Variants in ARID4B observed in about 807,000 individuals in gnomAD.
ARID4B encodes the protein AT-rich interactive domain-containing protein 4B.
In ARID4B, 26 loss-of-function variants were observed where a neutral mutation model predicts 147.5. The observed-to-expected ratio is 0.18, with a 90% CI of 0.13 to 0.24. ARID4B has a LOEUF of 0.24. ARID4B is among the 10% of genes least tolerant of loss of function. The probability of loss-of-function intolerance (pLI) is 1.00; values close to 1 mark genes in which losing one functional copy is unlikely to be tolerated. For missense variants in ARID4B, 1,179 were observed against 1,511.5 expected (o/e 0.78, Z 3.65); for synonymous variants, 512 against 507.9 (o/e 1.01, Z -0.11).
intron 19 of ARID4B, among the ~76,000 whole-genome samples, chr1:235,183,018 T>C (rs544181206): frequency 1.5e-4 from 23 of 152,292 alleles, no homozygotes; most frequent in African/African-American, 5.5e-4. Context: ...TAACACTGTA[T>C]ACTTTTGTCA....
At chr1:235,296,382 T>TA (rs1194431771) in intron 2 of ARID4B, 1 of 152,168 alleles carries the variant, frequency 6.6e-6, no homozygotes, top group Non-Finnish European at 1.5e-5. Context: ...TTTTTCACCA[T>TA]AAAATAAATA....
intron 5 of ARID4B, among the ~76,000 whole-genome samples, chr1:235,254,082 G>C (rs1398396139): frequency 6.6e-6 from 1 of 152,106 alleles, no homozygotes; most frequent in African/African-American, 2.4e-5. Context: ...ACATTTAGTA[G>C]ACTATTACAA....
chr1:235,195,828 T>A (rs1665456008), intron 18 of ARID4B, among the ~76,000 whole-genome samples: 1 of 152,188 alleles, frequency 6.6e-6, no homozygotes, highest in Non-Finnish European at 1.5e-5. Context: ...TATATAATGT[T>A]GGGACTGAAA....
intron 23 of ARID4B, among the ~76,000 whole-genome samples, chr1:235,171,891 C>T (rs934337108): frequency 6.6e-6 from 1 of 152,088 alleles, no homozygotes; most frequent in Non-Finnish European, 1.5e-5. Context: ...ATCCACCCAC[C>T]GCAGCCTCCC....
intron 8 of ARID4B, among the ~76,000 whole-genome samples, chr1:235,235,919 T>C (rs1300262483): frequency 6.6e-6 from 1 of 151,958 alleles, no homozygotes; most frequent in African/African-American, 2.4e-5. Context: ...TTCCTGGGAC[T>C]ATGTAGTTGT....
At chr1:235,169,637 G>T (rs1011883718) in intron 23 of ARID4B, among the ~76,000 whole-genome samples, 1 of 151,030 alleles carries the variant, frequency 6.6e-6, no homozygotes, top group Admixed American at 6.6e-5. Flanking sequence ...CCAGGTTCAC[G>T]CCATTCTCCT....
intron 19 of ARID4B, chr1:235,187,225 G>T (rs1445274620): frequency 5.4e-5 from 12 of 223,492 alleles, no homozygotes; most frequent in Non-Finnish European, 9.0e-5. Flanking sequence ...GGAACTACAG[G>T]CATGTGCCAC....
At position 235,182,454 on chromosome 1, in the gene ARID4B, C is replaced by G. The variant is rs773274229; in HGVS notation, c.2465G>C (p.Arg822Pro). ...TGTATTGCAATACCTTCTTTTACCA[C>G]GTTTTATTTGTGGTTTTGAAGATTT... Reference protein sequence around the residue: ...TDKSSKPQIKRGKRRYCNTEE... With the variant: ...TDKSSKPQIKPGKRRYCNTEE... Residue 822 changes from arginine to proline, a missense_variant, in exon 20 of 24, where the codon CGT (arginine) becomes CCT (proline). Transcript: ENST00000264183. The G allele has an allele frequency of 6.2e-7, 1 of 1,611,938 alleles. No individual in the cohort carries two copies. Among genetic ancestry groups the G allele is most frequent in the African/African-American group, 1.3e-5 (1 of 74,796 alleles).
chr1:235,177,106 ATGT>A (rs968387689), intron 21 of ARID4B, among the ~76,000 whole-genome samples: 1 of 152,204 alleles, frequency 6.6e-6, no homozygotes, highest in African/African-American at 2.4e-5. Flanking sequence ...CCAAAGACAA[ATGT>A]TGTAGACTGG....
chr1:235,241,090 G>GA (rs1261610213), intron 7 of ARID4B, among the ~76,000 whole-genome samples: 2 of 152,112 alleles, frequency 1.3e-5, no homozygotes, highest in Non-Finnish European at 2.9e-5. Context: ...ACTGTCAGAA[G>GA]AAAAAGGAAG....
intron 20 of ARID4B, among the ~76,000 whole-genome samples, chr1:235,178,293 C>T (rs1571902663): frequency 1.3e-5 from 2 of 152,134 alleles, no homozygotes; most frequent in South Asian, 4.1e-4. Context: ...GACTTAATCA[C>T]AGGTTAAAAT....
rs10657168 is a variant in ARID4B, at chr1:235,214,837, CTT to C, written c.1584-813_1584-812del. ...ACTATTCTAGAAAGAGTATTACATC[CTT>C]TTTTTTTTTTTTTTTTTTGATAGAT... On this transcript the variant is annotated intron_variant, in intron 16 of 23. Coordinates refer to ENST00000264183, the MANE Select transcript of ARID4B (RefSeq NM_016374.6). Among the ~76,000 whole-genome samples the C allele has an allele frequency of 5.9e-5, 6 of 102,326 alleles. No homozygotes were observed. The East Asian group carries it at 1.2e-3, about 21-fold the overall frequency. The allele number at this position is 102,326 out of a possible 152,430, so 67.1% of individuals were successfully genotyped here.
rs762734920 is a variant in ARID4B at position 235,240,265 on chromosome 1, A to C, written c.585+48T>G. ...TTAGTAAGAAAATTGTTTTCTTCATAAACTTATAAAGTTTGAAATTAAACT... is the reference window on the plus strand; with the variant it reads ...TTAGTAAGAAAATTGTTTTCTTCATCAACTTATAAAGTTTGAAATTAAACT... On this transcript the variant is annotated intron_variant, in intron 8 of 23. Transcript: ENST00000264183. 3 of 1,517,332 alleles carry C rather than the reference A, an allele frequency of 2.0e-6. No individual in the cohort carries two copies. The South Asian group carries it at 3.9e-5, about 20-fold the overall frequency. 94.0% of individuals were successfully genotyped at this position (1,517,332 alleles called of 1,614,324 possible). A position where few individuals can be genotyped will look rare whatever the true frequency, so the allele number is the denominator to read the frequency against.
At chr1:235,236,335 CAG>C (rs963032491) in intron 8 of ARID4B, among the ~76,000 whole-genome samples, 1 of 152,026 alleles carries the variant, frequency 6.6e-6, no homozygotes, top group Non-Finnish European at 1.5e-5. Flanking sequence ...GCTGACTAAA[CAG>C]ATTACTAACC....
At chr1:235,206,141 C>G (rs1417090159) in intron 17 of ARID4B, among the ~76,000 whole-genome samples, 1 of 152,130 alleles carries the variant, frequency 6.6e-6, no homozygotes, top group African/African-American at 2.4e-5. Flanking sequence ...GTTCAACATT[C>G]ATTTAGTACT....
chr1:235,276,526 G>A (rs2103162433), intron 2 of ARID4B, among the ~76,000 whole-genome samples: 1 of 152,084 alleles, frequency 6.6e-6, no homozygotes, highest in South Asian at 2.1e-4. Context: ...AATTGTCATG[G>A]TGGTGCACAT....
intron 2 of ARID4B, among the ~76,000 whole-genome samples, chr1:235,266,520 C>T (rs1191323154): frequency 1.3e-5 from 2 of 152,186 alleles, no homozygotes; most frequent in Non-Finnish European, 2.9e-5. Flanking sequence ...AGCTACCTCA[C>T]AGTTTTCCAG....
At chr1:235,294,879 A>G (rs1442020259) in intron 2 of ARID4B, among the ~76,000 whole-genome samples, 1 of 151,824 alleles carries the variant, frequency 6.6e-6, no homozygotes, top group Non-Finnish European at 1.5e-5. Flanking sequence ...AAAAAATTGA[A>G]AAGGAAAAAA....
At chr1:235,174,022 C>T (rs572306439) in intron 22 of ARID4B, among the ~76,000 whole-genome samples, 25 of 150,678 alleles carry the variant, frequency 1.7e-4, no homozygotes, top group South Asian at 2.1e-4. Flanking sequence ...ATCAAATTAC[C>T]GACATCATAT....
Sources: gnomAD v4.1 joint callset for allele counts (sites outside exome capture counted in the v4.1 genomes callset) on GRCh38, gnomAD v4.1.1 for gene constraint, MANE v1.5 for transcripts, NCBI Gene and HGNC (gene_info 2026-07-23, HGNC 2026-07-21) for gene names.